Variants in DNAL1 observed in about 807,000 individuals in gnomAD.
The protein encoded by DNAL1 is dynein axonemal light chain 1.
In DNAL1, 17 loss-of-function variants were observed where a neutral mutation model predicts 29.4. The ratio of observed to expected loss-of-function variants is 0.58; its 90% confidence interval spans 0.40 to 0.87. The LOEUF is 0.87. DNAL1 is among the 40% of genes least tolerant of loss of function. DNAL1 has a pLI of 0.00. For synonymous variants in DNAL1, 78 were observed against 76.3 expected (o/e 1.02, Z -0.12); for missense variants, 188 against 214.1 (o/e 0.88, Z 0.76).
At chr14:73,677,884 T>TCGTGTGTGTG (rs1555402397) in intron 5 of DNAL1, among the ~76,000 whole-genome samples, 1 of 96,130 alleles carries the variant, frequency 1.0e-5, no homozygotes, top group Non-Finnish European at 2.2e-5. Flanking sequence ...ATATATATAT[T>TCGTGTGTGTG]TGTGTGTGTG....
intron 1 of DNAL1, among the ~76,000 whole-genome samples, chr14:73,652,440 AT>A (rs1205772752): frequency 6.6e-6 from 1 of 151,002 alleles, no homozygotes; most frequent in South Asian, 2.1e-4. Flanking sequence ...CCACGGTCTA[AT>A]TTTTTTTTAT....
intron 2 of DNAL1, among the ~76,000 whole-genome samples, chr14:73,656,809 A>G (rs1271808978): frequency 6.6e-6 from 1 of 152,114 alleles, no homozygotes; most frequent in Non-Finnish European, 1.5e-5. Context: ...AGGATCTACT[A>G]GATGTCAATT....
Position 73,695,972 on chromosome 14 carries a change from T to C in DNAL1, c.*30T>C. 5.8e-6 allele frequency: 9 copies of C among 1,558,884 alleles called. No individual in the cohort carries two copies. Among genetic ancestry groups the C allele is most frequent in the Non-Finnish European group, 7.8e-6 (9 of 1,147,382 alleles). On this transcript the variant is annotated 3_prime_UTR_variant, in exon 8 of 8. Transcript: ENST00000553645. ...ACGCTTTCCACTGTGTGTTAACTTATTTAAATGTCATAAGAACAATAGATA... is the reference window on the plus strand; with the variant it reads ...ACGCTTTCCACTGTGTGTTAACTTACTTAAATGTCATAAGAACAATAGATA...
intron 5 of DNAL1, among the ~76,000 whole-genome samples, chr14:73,683,712 ATTAT>A (rs1395885096): frequency 2.8e-5 from 4 of 140,410 alleles, no homozygotes; most frequent in Middle Eastern, 3.5e-3. Flanking sequence ...TATTATTATT[ATTAT>A]TCTTTTGAGA....
chr14:73,647,597 G>C (rs933900774), intron 1 of DNAL1, among the ~76,000 whole-genome samples: 15 of 152,112 alleles, frequency 9.9e-5, no homozygotes, highest in African/African-American at 2.7e-4. Context: ...CAGTTGTCTG[G>C]AGCTGAGTAG....
At chr14:73,694,135 G>A (rs1892238805) in intron 7 of DNAL1, among the ~76,000 whole-genome samples, 1 of 151,558 alleles carries the variant, frequency 6.6e-6, no homozygotes, top group Non-Finnish European at 1.5e-5. Flanking sequence ...GCTGGGCACG[G>A]TGGCATGCAC....
At chr14:73,689,286 C>A (rs770808028) in intron 6 of DNAL1, 89 bp from the exon 7 acceptor site, 4 of 1,462,464 alleles carry the variant, frequency 2.7e-6, no homozygotes, top group East Asian at 2.5e-5. Flanking sequence ...CCCGCCTTGT[C>A]CCCCCAAAGT....
At chr14:73,646,562 G>A (rs1331565587) in intron 1 of DNAL1, among the ~76,000 whole-genome samples, 1 of 152,174 alleles carries the variant, frequency 6.6e-6, no homozygotes, top group African/African-American at 2.4e-5. Context: ...AGGAGTTCAA[G>A]ATCCACCTGG....
intron 1 of DNAL1, among the ~76,000 whole-genome samples, chr14:73,647,024 A>G (rs1890990643): frequency 6.6e-6 from 1 of 152,054 alleles, no homozygotes; most frequent in Admixed American, 6.6e-5. Flanking sequence ...TCAAATGATG[A>G]TATTTCACAT....
intron 7 of DNAL1, 46 bp from the exon 8 acceptor site, chr14:73,695,856 G>A: frequency 6.7e-7 from 1 of 1,494,650 alleles, no homozygotes. Flanking sequence ...TAGAATTTTA[G>A]CAATTTTTTG....
At chr14:73,661,883 A>C in intron 3 of DNAL1, 104 bp from the exon 4 acceptor site, 1 of 682,944 alleles carries the variant, frequency 1.5e-6, no homozygotes, top group Non-Finnish European at 2.4e-6. Flanking sequence ...GAGTGGGGAA[A>C]ATATTACTTA....
At chr14:73,651,955 C>T (rs1290362554) in intron 1 of DNAL1, among the ~76,000 whole-genome samples, 1 of 152,154 alleles carries the variant, frequency 6.6e-6, no homozygotes, top group Non-Finnish European at 1.5e-5. Flanking sequence ...CTGTGCCCAG[C>T]CATATTTTAT....
chr14:73,672,429 C>T (rs879268482), intron 5 of DNAL1, among the ~76,000 whole-genome samples: 2 of 151,612 alleles, frequency 1.3e-5, no homozygotes, highest in South Asian at 2.1e-4. Context: ...CACGGTGAAA[C>T]CCTATCTCTA....
At chr14:73,694,032 C>T (rs17129410) in intron 7 of DNAL1, among the ~76,000 whole-genome samples, 11,114 of 151,918 alleles carry the variant, frequency 0.073, 995 homozygotes, top group African/African-American at 0.21. Context: ...GAAGGCATCA[C>T]TGAGGAAGAG....
At position 73,699,897 on chromosome 14, in the gene DNAL1, T is replaced by C. The variant is rs1469041189; in HGVS notation, c.*3955T>C. On this transcript the variant is annotated 3_prime_UTR_variant, in exon 8 of 8. Transcript: ENST00000553645. ...TTTGCAGACCATGGCAGTCATTAAA[T>C]ACAGAAAAATACTGTGTAAAATTTG... The C allele has an allele frequency of 6.6e-6, 1 of 152,240 alleles. No homozygotes were observed. The highest frequency in any genetic ancestry group is 1.5e-5 in the Non-Finnish European group (1 of 68,036). The allele number at this position is 152,240 out of a possible 1,614,324, so 9.4% of individuals were successfully genotyped here.
rs372344971 is a variant in DNAL1, at chr14:73,662,841, C to A, written c.208+799C>A. 2.5e-4 allele frequency among the ~76,000 whole-genome samples: 35 copies of A among 142,508 alleles called. No individual in the cohort carries two copies. In the South Asian group the frequency reaches 7.9e-3, roughly 32 times the overall value. 93.5% of individuals were successfully genotyped at this position (142,508 alleles called of 152,430 possible). On this transcript the variant is annotated intron_variant, in intron 4 of 7. Transcript: ENST00000553645. ...TTTTTTTTTTTGCCATATAAGGTAA[C>A]GTTCACAGGTTCCAGGCATTAGAAT...
rs1892376194 is a variant in DNAL1, at chr14:73,699,339, T to C, written c.*3397T>C. The C allele has an allele frequency of 6.6e-6, 1 of 151,498 alleles. No individual in the cohort carries two copies. The highest frequency in any genetic ancestry group is 2.4e-5 in the African/African-American group (1 of 41,162). The allele number at this position is 151,498 out of a possible 1,614,324, so 9.4% of individuals were successfully genotyped here. A position where few individuals can be genotyped will look rare whatever the true frequency, so the allele number is the denominator to read the frequency against. Reference sequence around the variant, plus strand: ...TTTTTTTTTTGAGACAGAGTCTCGCTCTGTTACCTAGGCTGGAGTGCAGTG... The same window carrying C: ...TTTTTTTTTTGAGACAGAGTCTCGCCCTGTTACCTAGGCTGGAGTGCAGTG... On this transcript the variant is annotated 3_prime_UTR_variant, in exon 8 of 8. Transcript: ENST00000553645.
intron 5 of DNAL1, among the ~76,000 whole-genome samples, chr14:73,678,710 A>T (rs1891803941): frequency 1.3e-5 from 2 of 152,152 alleles, no homozygotes; most frequent in South Asian, 4.1e-4. Flanking sequence ...ATGGTAGAGC[A>T]AGTATTTCAC....
At chr14:73,681,622 AAAAAAAAAAAAATATATATATAT>A (rs1891882855) in intron 5 of DNAL1, among the ~76,000 whole-genome samples, 1 of 47,702 alleles carries the variant, frequency 2.1e-5, no homozygotes, top group African/African-American at 6.8e-5. Context: ...AAAAAAAAAA[AAAAAAAAAAAAATATATATATAT>A]ATATATATAT....
Sources: allele counts gnomAD v4.1 joint callset (sites outside exome capture counted in the v4.1 genomes callset), GRCh38; gene constraint gnomAD v4.1.1; transcripts MANE v1.5; gene names NCBI Gene and HGNC (gene_info 2026-07-23, HGNC 2026-07-21).